CCSER1: variants seen among roughly 807,000 people sequenced by gnomAD.
The protein encoded by CCSER1 is coiled-coil serine rich protein 1.
A neutral mutation model predicts 82.0 loss-of-function variants in CCSER1; 41 were observed. That is an observed-to-expected ratio of 0.50 (90% CI 0.39 to 0.65). CCSER1 has a LOEUF of 0.65. Among genes scored for constraint, CCSER1 ranks in the 30% least tolerant of loss-of-function variants. CCSER1 has a pLI of 0.00. For missense variants in CCSER1, 1,119 were observed against 1,064.2 expected, an observed-to-expected ratio of 1.05 and a Z score of -0.72; for synonymous variants, 414 against 383.9, an observed-to-expected ratio of 1.08 and a Z score of -0.92.
intron 9 of CCSER1, among the ~76,000 whole-genome samples, chr4:91,016,269 A>G (rs1201853350): frequency 6.6e-6 from 1 of 152,020 alleles, no homozygotes; most frequent in Non-Finnish European, 1.5e-5. Flanking sequence ...AATGATTTAT[A>G]AAGTTTTATA....
chr4:91,591,127 A>G (rs1212825907), intron 10 of CCSER1, among the ~76,000 whole-genome samples: 1 of 152,146 alleles, frequency 6.6e-6, no homozygotes, highest in Non-Finnish European at 1.5e-5. Context: ...TAGGTACAGG[A>G]CAAGGATGCT....
intron 10 of CCSER1, among the ~76,000 whole-genome samples, chr4:91,154,038 G>A (rs916238015): frequency 2.0e-5 from 3 of 152,002 alleles, no homozygotes; most frequent in Admixed American, 6.5e-5. Context: ...CTTCAAAGCT[G>A]TCAGACTGGG....
intron 4 of CCSER1, among the ~76,000 whole-genome samples, chr4:90,435,466 T>A (rs1758875830): frequency 6.6e-6 from 1 of 152,130 alleles, no homozygotes; most frequent in African/African-American, 2.4e-5. Flanking sequence ...ACTAAATGAA[T>A]TAACTCCAAT....
intron 10 of CCSER1, among the ~76,000 whole-genome samples, chr4:91,343,960 G>A (rs558795604): frequency 6.6e-6 from 1 of 152,218 alleles, no homozygotes; most frequent in East Asian, 1.9e-4. Flanking sequence ...ACACTGATAT[G>A]GCCTTTGAAG....
intron 1 of CCSER1, among the ~76,000 whole-genome samples, chr4:90,280,628 A>G (rs1728686897): frequency 6.6e-6 from 1 of 152,116 alleles, no homozygotes; most frequent in South Asian, 2.1e-4. Flanking sequence ...AGTAGAAATC[A>G]AGAGTCTATA....
chr4:90,491,612 G>T (rs1238659400), intron 5 of CCSER1, among the ~76,000 whole-genome samples: 1 of 151,920 alleles, frequency 6.6e-6, no homozygotes, highest in African/African-American at 2.4e-5. Context: ...AAAGGGAGTA[G>T]GTCCAGTTTT....
intron 1 of CCSER1, among the ~76,000 whole-genome samples, chr4:90,239,186 T>C (rs1746373960): frequency 6.6e-6 from 1 of 152,066 alleles, no homozygotes; most frequent in Non-Finnish European, 1.5e-5. Flanking sequence ...ATTTTTTGAG[T>C]AGTTGTTTAA....
intron 5 of CCSER1, among the ~76,000 whole-genome samples, chr4:90,559,789 G>A (rs1243814324): frequency 1.7e-5 from 2 of 120,010 alleles, no homozygotes; most frequent in African/African-American, 6.7e-5. Flanking sequence ...CAGCCTGGGA[G>A]ACAGACCGAG....
At chr4:90,861,924 A>T (rs531270551) in intron 8 of CCSER1, among the ~76,000 whole-genome samples, 4,436 of 108,740 alleles carry the variant, frequency 0.041, 134 homozygotes, top group African/African-American at 0.1. Flanking sequence ...ATATATATAT[A>T]TATTTTTTTT....
At chr4:90,738,223 G>A (rs1745973787) in intron 7 of CCSER1, among the ~76,000 whole-genome samples, 1 of 152,040 alleles carries the variant, frequency 6.6e-6, no homozygotes, top group Non-Finnish European at 1.5e-5. Context: ...TTTGCAGTCT[G>A]GGCTTGTTTT....
chr4:90,375,951 A>T (rs902723715), intron 3 of CCSER1, among the ~76,000 whole-genome samples: 46 of 152,186 alleles, frequency 3.0e-4, no homozygotes, highest in African/African-American at 1.0e-3. Flanking sequence ...AGGCACTGCC[A>T]GCTTGACCTC....
At chr4:90,774,317 T>A (rs1014184709) in intron 7 of CCSER1, among the ~76,000 whole-genome samples, 2 of 152,148 alleles carry the variant, frequency 1.3e-5, no homozygotes, top group Non-Finnish European at 2.9e-5. Context: ...ATTTGCTTCC[T>A]TAGGATTGTG....
chr4:90,536,031 G>GTTTTTTTT (rs781671347), intron 5 of CCSER1, among the ~76,000 whole-genome samples: 2 of 117,204 alleles, frequency 1.7e-5, no homozygotes, highest in East Asian at 2.6e-4. Flanking sequence ...CTTTCTTTCT[G>GTTTTTTTT]TTTTTTTTTT....
intron 5 of CCSER1, among the ~76,000 whole-genome samples, chr4:90,503,682 G>A (rs569092168): frequency 6.6e-6 from 1 of 151,932 alleles, no homozygotes; most frequent in Admixed American, 6.6e-5. Flanking sequence ...TTCTCCTTGC[G>A]ATAGTTTGCT....
chr4:90,452,488 C>G (rs1182848580), intron 4 of CCSER1, among the ~76,000 whole-genome samples: 2 of 152,186 alleles, frequency 1.3e-5, no homozygotes, highest in African/African-American at 2.4e-5. Flanking sequence ...GGTTGCAAAG[C>G]TACCACTGCA....
chr4:90,545,120 TA>T, intron 5 of CCSER1, among the ~76,000 whole-genome samples: 1 of 152,264 alleles, frequency 6.6e-6, no homozygotes, highest in Middle Eastern at 3.4e-3. Flanking sequence ...TTGGGTGGAC[TA>T]AAGAGCACTT....
intron 5 of CCSER1, among the ~76,000 whole-genome samples, chr4:90,508,265 A>T (rs1176944148): frequency 6.6e-6 from 1 of 152,068 alleles, no homozygotes; most frequent in African/African-American, 2.4e-5. Flanking sequence ...AAGGAGGAAT[A>T]AAATTTGGTT....
intron 10 of CCSER1, among the ~76,000 whole-genome samples, chr4:91,205,736 T>G (rs1736291218): frequency 6.7e-6 from 1 of 149,366 alleles, no homozygotes; most frequent in African/African-American, 2.5e-5. Context: ...TTCTACTGAC[T>G]CATGTTACAT....
At chr4:90,479,645 C>T (rs368852598) in intron 5 of CCSER1, among the ~76,000 whole-genome samples, 18 of 151,974 alleles carry the variant, frequency 1.2e-4, no homozygotes, top group African/African-American at 3.9e-4. Context: ...TTTGTCCTTG[C>T]GATAGTTTGC....
Sources: gnomAD v4.1 joint callset for allele counts (sites outside exome capture counted in the v4.1 genomes callset) on GRCh38, gnomAD v4.1.1 for gene constraint, MANE v1.5 for transcripts, NCBI Gene and HGNC (gene_info 2026-07-23, HGNC 2026-07-21) for gene names.